Variants in PLCB1 observed in about 807,000 individuals in gnomAD.
The protein encoded by PLCB1 is 1-phosphatidylinositol 4,5-bisphosphate phosphodiesterase beta-1.
Under a neutral mutation model 161.8 loss-of-function variants are expected in PLCB1, and 46 were observed. That is an observed-to-expected ratio of 0.28 (90% CI 0.22 to 0.36). The LOEUF (loss-of-function observed/expected upper bound fraction) is 0.36. PLCB1 is among the 10% of genes least tolerant of loss of function. The probability of loss-of-function intolerance (pLI) is 1.00; values close to 1 mark genes in which losing one functional copy is unlikely to be tolerated. For missense variants in PLCB1, 1,016 were observed against 1,472.5 expected, an observed-to-expected ratio of 0.69 and a Z score of 5.07; for synonymous variants, 517 against 503.7, an observed-to-expected ratio of 1.03 and a Z score of -0.35.
chr20:8,586,398 T>G (rs1334696576), intron 3 of PLCB1, among the ~76,000 whole-genome samples: 1 of 152,090 alleles, frequency 6.6e-6, no homozygotes, highest in African/African-American at 2.4e-5. Flanking sequence ...CTGGATCACG[T>G]CACCGACTCT....
At chr20:8,699,117 C>A (rs1990644538) in intron 11 of PLCB1, among the ~76,000 whole-genome samples, 1 of 152,136 alleles carries the variant, frequency 6.6e-6, no homozygotes, top group Admixed American at 6.5e-5. Flanking sequence ...GGCTTTCTCA[C>A]CCCTTTAAAT....
At chr20:8,731,444 G>C (rs963684227) in intron 18 of PLCB1, among the ~76,000 whole-genome samples, 3 of 151,698 alleles carry the variant, frequency 2.0e-5, no homozygotes, top group African/African-American at 7.3e-5. Context: ...GTGAAGAGTG[G>C]GCATCTTTCT....
At chr20:8,293,626 C>G (rs1983487587) in intron 2 of PLCB1, among the ~76,000 whole-genome samples, 1 of 145,012 alleles carries the variant, frequency 6.9e-6, no homozygotes, top group Non-Finnish European at 1.5e-5. Flanking sequence ...TTTTTTTTAG[C>G]ATTGCTTTTG....
At chr20:8,447,169 A>T (rs1428866705) in intron 3 of PLCB1, among the ~76,000 whole-genome samples, 2 of 152,194 alleles carry the variant, frequency 1.3e-5, no homozygotes, top group African/African-American at 4.8e-5. Flanking sequence ...GTCAGACCAC[A>T]TATGGTGACA....
chr20:8,853,720 A>G (rs4277595), intron 31 of PLCB1, among the ~76,000 whole-genome samples: 49,485 of 151,964 alleles, frequency 0.33, 8,872 homozygotes, highest in East Asian at 0.63. Flanking sequence ...GTTCAAGCAA[A>G]GAAAAGAGAA....
intron 15 of PLCB1, 107 bp downstream of exon 15, chr20:8,722,528 G>C (rs1979705015): frequency 1.5e-6 from 1 of 659,684 alleles, no homozygotes; most frequent in African/African-American, 1.9e-5. Context: ...GTAGATTTGT[G>C]CCTTCCAATT....
At chr20:8,537,673 G>A (rs192482678) in intron 3 of PLCB1, among the ~76,000 whole-genome samples, 5 of 152,200 alleles carry the variant, frequency 3.3e-5, no homozygotes, top group African/African-American at 9.6e-5. Flanking sequence ...CAGCTATAGA[G>A]TGTAAAAGCT....
intron 2 of PLCB1, among the ~76,000 whole-genome samples, chr20:8,318,448 C>CG (rs1305572408): frequency 1.1e-5 from 1 of 87,364 alleles, no homozygotes; most frequent in Admixed American, 1.4e-4. Flanking sequence ...ATAGAAATTG[C>CG]CCCCCCCCTT....
At chr20:8,716,593 C>T (rs1979325895) in intron 13 of PLCB1, among the ~76,000 whole-genome samples, 1 of 152,174 alleles carries the variant, frequency 6.6e-6, no homozygotes, top group Non-Finnish European at 1.5e-5. Context: ...ATCAAGAGTG[C>T]AGATTTCCCA....
intron 2 of PLCB1, chr20:8,371,114 A>T (rs1307426651): frequency 1.5e-5 from 6 of 387,758 alleles, no homozygotes; most frequent in Non-Finnish European, 2.8e-5. Flanking sequence ...CTGATTCATC[A>T]TGATTTAGGA....
chr20:8,275,943 A>G (rs1265025487), intron 2 of PLCB1, among the ~76,000 whole-genome samples: 1 of 151,764 alleles, frequency 6.6e-6, no homozygotes, highest in Non-Finnish European at 1.5e-5. Context: ...CTTACAAGCC[A>G]GATAAGACAG....
At chr20:8,639,505 A>G (rs1180741042) in intron 4 of PLCB1, among the ~76,000 whole-genome samples, 1 of 152,094 alleles carries the variant, frequency 6.6e-6, no homozygotes, top group Non-Finnish European at 1.5e-5. Context: ...TAGCCTTTCC[A>G]TTTACATTCC....
intron 2 of PLCB1, among the ~76,000 whole-genome samples, chr20:8,306,141 A>G (rs1984125973): frequency 6.6e-6 from 1 of 152,132 alleles, no homozygotes; most frequent in South Asian, 2.1e-4. Flanking sequence ...TAGCCGATGG[A>G]CTATTCTCAT....
In PLCB1 at chr20:8,664,621, G is replaced by C. The variant is rs575956222; in HGVS notation, c.862+5917G>C. Among the ~76,000 whole-genome samples the C allele has an allele frequency of 1.3e-4, 20 of 152,234 alleles. No individual in the cohort carries two copies. In the South Asian group the frequency reaches 4.1e-3, roughly 32 times the overall value. On this transcript the variant is annotated intron_variant, in intron 9 of 31. Coordinates refer to ENST00000338037, the MANE Select transcript of PLCB1 (RefSeq NM_015192.4). ...AGACTCCTTCAGTTGAAAAACGGCAGAAACTTAACTCAAACTAAAGCACTG... is the reference window on the plus strand; with the variant it reads ...AGACTCCTTCAGTTGAAAAACGGCACAAACTTAACTCAAACTAAAGCACTG...
intron 2 of PLCB1, among the ~76,000 whole-genome samples, chr20:8,225,378 G>C (rs1363296828): frequency 6.6e-6 from 1 of 152,130 alleles, no homozygotes; most frequent in Non-Finnish European, 1.5e-5. Flanking sequence ...AATTGGGGGA[G>C]AGTCCCATTT....
chr20:8,349,842 TG>T (rs1465507465), intron 2 of PLCB1, among the ~76,000 whole-genome samples: 2 of 152,024 alleles, frequency 1.3e-5, no homozygotes, highest in African/African-American at 4.8e-5. Context: ...GAAAAAGTAC[TG>T]AATGTGGTCC....
intron 31 of PLCB1, among the ~76,000 whole-genome samples, chr20:8,881,345 GTGT>G (rs1329651325): frequency 2.0e-5 from 3 of 149,978 alleles, no homozygotes; most frequent in African/African-American, 7.3e-5. Context: ...GTGTGTGTGT[GTGT>G]GTGTGTGTGT....
chr20:8,473,791 A>G (rs1436143660), intron 3 of PLCB1, among the ~76,000 whole-genome samples: 1 of 152,238 alleles, frequency 6.6e-6, no homozygotes, highest in Non-Finnish European at 1.5e-5. Flanking sequence ...GGATTCTTGC[A>G]AAGGCTGGGC....
At chr20:8,594,885 T>C (rs767848726) in intron 3 of PLCB1, among the ~76,000 whole-genome samples, 78 of 152,306 alleles carry the variant, frequency 5.1e-4, no homozygotes, top group Non-Finnish European at 7.9e-4. Flanking sequence ...ATTAGGTGTT[T>C]AAAAAGGCAT....
Sources: allele counts gnomAD v4.1 joint callset (sites outside exome capture counted in the v4.1 genomes callset), GRCh38; gene constraint gnomAD v4.1.1; transcripts MANE v1.5; gene names NCBI Gene and HGNC (gene_info 2026-07-23, HGNC 2026-07-21).